PTPRU: variants seen among roughly 807,000 people sequenced by gnomAD.
PTPRU encodes protein tyrosine phosphatase receptor type U.
PTPRU carries 69 observed loss-of-function variants against 166.3 expected under a neutral mutation model. The observed-to-expected ratio is 0.41, with a 90% CI of 0.34 to 0.51. The LOEUF (loss-of-function observed/expected upper bound fraction) is 0.51, where lower values mean the gene tolerates loss of function less well. Among genes scored for constraint, PTPRU ranks in the 20% least tolerant of loss-of-function variants. PTPRU has a pLI of 0.09. For missense variants in PTPRU, 1,657 were observed against 2,013.7 expected (o/e 0.82, Z 3.39); for synonymous variants, 793 against 814.0 (o/e 0.97, Z 0.44).
rs997344802 is a variant in PTPRU at position 29,311,342 on chromosome 1, G to A, written c.2858-114G>A. On this transcript the variant is annotated intron_variant, in intron 19 of 29. Coordinates refer to ENST00000373779, the MANE Select transcript of PTPRU (RefSeq NM_133178.4). This position sits in a 1 kb window ranked among gnomAD's most constrained non-coding sequence, Gnocchi z 4.1. ...GTGTTGTGGGCAGCATGAAGCCCCCGTTGGGGCTCAGGAGGCCTCCTGGCC... is the reference window on the plus strand; with the variant it reads ...GTGTTGTGGGCAGCATGAAGCCCCCATTGGGGCTCAGGAGGCCTCCTGGCC... 3 of 968,302 alleles carry A rather than the reference G, an allele frequency of 3.1e-6. No homozygotes were observed. The highest frequency in any genetic ancestry group is 4.7e-6 in the Non-Finnish European group (3 of 638,146). The allele number at this position is 968,302 out of a possible 1,614,324, so 60.0% of individuals were successfully genotyped here.
At chr1:29,259,159 C>A in intron 3 of PTPRU, 102 bp from the exon 4 acceptor site, 2 of 1,271,318 alleles carry the variant, frequency 1.6e-6, no homozygotes, top group South Asian at 1.4e-5. Flanking sequence ...CTGACCTCTG[C>A]TAGTTGAGGC....
intron 8 of PTPRU, among the ~76,000 whole-genome samples, chr1:29,277,803 C>CTTTTCTTTTTTTTT (rs1685875562): frequency 2.0e-5 from 1 of 50,564 alleles, no homozygotes; most frequent in Non-Finnish European, 3.3e-5. Context: ...AGTTGTCATT[C>CTTTTCTTTTTTTTT]TTTTTTTTTT....
At chr1:29,308,403 CA>C (rs1420428599) in intron 18 of PTPRU, among the ~76,000 whole-genome samples, 7 of 147,918 alleles carry the variant, frequency 4.7e-5, no homozygotes, top group Non-Finnish European at 1.5e-5. Context: ...ATTGCCTCTA[CA>C]AAAAATACAA....
At chr1:29,247,787 G>T (rs1462463120) in intron 1 of PTPRU, among the ~76,000 whole-genome samples, 1 of 152,152 alleles carries the variant, frequency 6.6e-6, no homozygotes, top group Non-Finnish European at 1.5e-5. Flanking sequence ...CTGGCATAAG[G>T]TCCCCTGCTG....
Position 29,305,379 on chromosome 1 carries a change from C to A in PTPRU, c.2771C>A (p.Pro924Gln), listed in dbSNP as rs1384533750. The change falls in exon 18 of 30, where the codon CCG becomes CAG. Residue 924 changes from proline to glutamine, a missense_variant. Pro to Gln is a moderately conservative substitution (Grantham distance 76). Transcript: ENST00000373779. Reference sequence around the variant, plus strand: ...GATCGGCACCGAGTGAAACTGCACCCGATGCTGGGAGACCCCAATGCCGAC... The same window carrying A: ...GATCGGCACCGAGTGAAACTGCACCAGATGCTGGGAGACCCCAATGCCGAC... ...AYDRHRVKLHPMLGDPNADYI... is the reference protein window; with the variant it reads ...AYDRHRVKLHQMLGDPNADYI... The A allele has an allele frequency of 6.2e-7, 1 of 1,614,006 alleles. No individual in the cohort carries two copies. Among genetic ancestry groups the A allele is most frequent in the Non-Finnish European group, 8.5e-7 (1 of 1,180,030 alleles).
chr1:29,308,049 A>T (rs937669417), intron 18 of PTPRU, among the ~76,000 whole-genome samples: 1 of 151,720 alleles, frequency 6.6e-6, no homozygotes, highest in African/African-American at 2.4e-5. Flanking sequence ...GAGCCACCAC[A>T]CCTGGCCCAT....
Position 29,237,577 on chromosome 1 carries a change from G to T in PTPRU, c.73+860G>T, listed in dbSNP as rs1683827298. ...TGTGTGCGCGCGTGTGCGTGTGCGC[G>T]TGTGTGGCGCGCTGGGCCGGAACAA... On this transcript the variant is annotated intron_variant, in intron 1 of 29. Coordinates refer to ENST00000373779, the MANE Select transcript of PTPRU (RefSeq NM_133178.4). This position sits in a 1 kb window ranked among gnomAD's most constrained non-coding sequence, Gnocchi z 6.4. 6.6e-6 allele frequency among the ~76,000 whole-genome samples: 1 copy of T among 151,840 alleles called. No individual in the cohort carries two copies. Among genetic ancestry groups the T allele is most frequent in the South Asian group, 2.1e-4 (1 of 4,830 alleles).
chr1:29,269,934 C>T (rs191614770), intron 7 of PTPRU, among the ~76,000 whole-genome samples: 15 of 152,156 alleles, frequency 9.9e-5, no homozygotes, highest in Middle Eastern at 3.4e-3. Context: ...TGTTTACTGA[C>T]TCTAGAAGTC....
In PTPRU at chr1:29,323,771, C is replaced by T; in HGVS notation, c.4095C>T (p.Arg1365=). 6.2e-7 allele frequency: 1 copy of T among 1,614,070 alleles called. No individual in the cohort carries two copies. Among genetic ancestry groups the T allele is most frequent in the Non-Finnish European group, 8.5e-7 (1 of 1,179,980 alleles). Residue 1365 remains arginine, a synonymous_variant, in exon 28 of 30, where the codon CGC becomes CGT. Coordinates refer to ENST00000373779, the MANE Select transcript of PTPRU (RefSeq NM_133178.4). ...GGCAGGCCGAGAGTGGGGATGGGCG[C>T]ACCATCGTGCACTGCCTGTGAGTAC... ...DKWQAESGDG[R]TIVHCLNGGG...
intron 11 of PTPRU, 147 bp from the exon 12 acceptor site, chr1:29,282,529 A>C: frequency 9.1e-7 from 1 of 1,093,832 alleles, no homozygotes; most frequent in South Asian, 1.7e-5. Flanking sequence ...CAGGGAGGTT[A>C]GGGGACTTGC....
intron 26 of PTPRU, among the ~76,000 whole-genome samples, chr1:29,321,098 A>G (rs919804917): frequency 6.6e-6 from 1 of 151,578 alleles, no homozygotes; most frequent in Admixed American, 6.6e-5. Flanking sequence ...ATCACAGCTC[A>G]CTAAGTTGTG....
intron 1 of PTPRU, among the ~76,000 whole-genome samples, chr1:29,253,132 A>C (rs565456854): frequency 6.6e-6 from 1 of 152,262 alleles, no homozygotes; most frequent in Non-Finnish European, 1.5e-5. Flanking sequence ...ATACAGATGA[A>C]GAGATGCATA....
chr1:29,300,727 G>A (rs1028850513), intron 15 of PTPRU, among the ~76,000 whole-genome samples: 5 of 152,192 alleles, frequency 3.3e-5, no homozygotes, highest in African/African-American at 1.2e-4. Context: ...GCTGAAGACC[G>A]TGGTTCCTGA....
In PTPRU at chr1:29,291,243, G is replaced by T. The variant is rs1686615304; in HGVS notation, c.2319-626G>T. ...GTGGGTCTCTTTACAAGTCTGTGGT[G>T]GTCTATGCTGGGACCATCCTAGGTG... On this transcript the variant is annotated intron_variant, in intron 14 of 29. Coordinates refer to ENST00000373779, the MANE Select transcript of PTPRU (RefSeq NM_133178.4). The surrounding 1 kb of genome is among the most constrained non-coding windows in gnomAD (Gnocchi z 4.1). Among the ~76,000 whole-genome samples the T allele has an allele frequency of 6.6e-6, 1 of 152,272 alleles. No homozygotes were observed. Among genetic ancestry groups the T allele is most frequent in the South Asian group, 2.1e-4 (1 of 4,810 alleles).
Position 29,316,009 on chromosome 1 carries a change from A to T in PTPRU, c.3371A>T (p.Tyr1124Phe). 6.2e-7 allele frequency: 1 copy of T among 1,614,048 alleles called. No individual in the cohort carries two copies. Among genetic ancestry groups the T allele is most frequent in the Non-Finnish European group, 8.5e-7 (1 of 1,179,960 alleles). The change falls in exon 24 of 30, where the codon TAC becomes TTC. Residue 1124 changes from tyrosine (Y) to phenylalanine (F), a missense_variant. Physicochemically the swap from Tyr to Phe is conservative, Grantham distance 22. Around this residue, in one of 3 missense-constraint regions of PTPRU, gnomAD observed 1,190 missense variants for 1,477.4 expected, o/e 0.81. Transcript: ENST00000373779. ...TCTCATCTCCTGTTCCAGGAGCAGT[A>T]CATCTTCATTCATGATGCAATCCTG... ...RVNMIQTEEQ[Y>F]IFIHDAILEA...
At position 29,304,828 on chromosome 1, in the gene PTPRU, C is replaced by T. The variant is rs150833997; in HGVS notation, c.2722C>T (p.Arg908Trp). The change falls in exon 17 of 30, where the codon CGG becomes TGG. Residue 908 changes from arginine to tryptophan, a missense_variant. Coordinates refer to ENST00000373779, the MANE Select transcript of PTPRU (RefSeq NM_133178.4). ...TKKKDKVKGS[R>W]QEPMPAYDRH... ...GAAGAAAGACAAGGTCAAGGGCAGC[C>T]GGCAGGAGCCAATGCCTGCCTGTGA... 2.2e-5 allele frequency: 35 copies of T among 1,611,916 alleles called. No homozygotes were observed. The highest frequency in any genetic ancestry group is 8.8e-5 in the South Asian group (8 of 90,906).
rs1359552402 is a variant in PTPRU at position 29,271,754 on chromosome 1, G to A, written c.1145-3694G>A. On this transcript the variant is annotated intron_variant, in intron 7 of 29. Coordinates refer to ENST00000373779, the MANE Select transcript of PTPRU (RefSeq NM_133178.4). This position sits in a 1 kb window ranked among gnomAD's most constrained non-coding sequence, Gnocchi z 4.4. ...GGGACACTACTGTCCTGTTTGCCGT[G>A]GTCTTTACCCAGCATACGTCCCCCG... Among the ~76,000 whole-genome samples the A allele has an allele frequency of 6.6e-6, 1 of 152,130 alleles. No homozygotes were observed. Among genetic ancestry groups the A allele is most frequent in the Non-Finnish European group, 1.5e-5 (1 of 68,024 alleles).
intron 7 of PTPRU, among the ~76,000 whole-genome samples, chr1:29,263,331 C>T (rs767813835): frequency 2.6e-5 from 4 of 152,200 alleles, no homozygotes; most frequent in Non-Finnish European, 5.9e-5. Flanking sequence ...CTCATTGTAG[C>T]ATGTATCAAT....
chr1:29,270,405 G>A (rs554303963), intron 7 of PTPRU, among the ~76,000 whole-genome samples: 2 of 152,156 alleles, frequency 1.3e-5, no homozygotes, highest in Non-Finnish European at 2.9e-5. Flanking sequence ...CTCCCGGGCT[G>A]AAGCTATTCA....
Sources: allele counts gnomAD v4.1 joint callset (sites outside exome capture counted in the v4.1 genomes callset), GRCh38; gene constraint gnomAD v4.1.1; regional missense constraint gnomAD v4.1.1; non-coding constraint Gnocchi (gnomAD v3.1); transcripts MANE v1.5; gene names NCBI Gene and HGNC (gene_info 2026-07-23, HGNC 2026-07-21).